The following PLD5 variants were observed in gnomAD, a reference collection of about 807,000 sequenced individuals.
The protein encoded by PLD5 is phospholipase D family member 5.
A neutral mutation model predicts 61.1 loss-of-function variants in PLD5; 36 were observed. The observed-to-expected ratio is 0.59, with a 90% CI of 0.45 to 0.78. The LOEUF (loss-of-function observed/expected upper bound fraction) is 0.78, where lower values mean the gene tolerates loss of function less well. Among genes scored for constraint, PLD5 ranks in the 30% least tolerant of loss-of-function variants. The pLI is 0.00. For missense variants in PLD5, 515 were observed against 644.4 expected (o/e 0.80, Z 2.17); for synonymous variants, 243 against 242.8 (o/e 1.00, Z -0.01).
At chr1:242,187,322 A>G (rs1411864410) in intron 5 of PLD5, among the ~76,000 whole-genome samples, 3 of 152,166 alleles carry the variant, frequency 2.0e-5, no homozygotes, top group Non-Finnish European at 4.4e-5. Context: ...AACCAACATG[A>G]GGATAAAGGC....
chr1:242,105,839 C>A (rs1661013351), intron 8 of PLD5, among the ~76,000 whole-genome samples: 1 of 152,072 alleles, frequency 6.6e-6, no homozygotes, highest in Non-Finnish European at 1.5e-5. Flanking sequence ...AGTCTATGAA[C>A]TAGAAAGCAT....
At chr1:242,415,474 A>T (rs957869179) in intron 1 of PLD5, among the ~76,000 whole-genome samples, 1 of 152,032 alleles carries the variant, frequency 6.6e-6, no homozygotes, top group African/African-American at 2.4e-5. Context: ...CAATTGCAAA[A>T]AGCTAACAAA....
chr1:242,198,036 G>T (rs1558332709), intron 5 of PLD5, among the ~76,000 whole-genome samples: 1 of 152,104 alleles, frequency 6.6e-6, no homozygotes, highest in Non-Finnish European at 1.5e-5. Context: ...TGCCAGTGGA[G>T]CCTGGTACAG....
chr1:242,134,399 T>TAA (rs1558257665), intron 5 of PLD5, among the ~76,000 whole-genome samples: 54 of 58,336 alleles, frequency 9.3e-4, no homozygotes, highest in East Asian at 6.6e-4. Context: ...TTTTTTTTTT[T>TAA]TAATAAATAA....
At chr1:242,213,904 C>T (rs1669982500) in intron 5 of PLD5, among the ~76,000 whole-genome samples, 1 of 151,752 alleles carries the variant, frequency 6.6e-6, no homozygotes, top group Admixed American at 6.6e-5. Flanking sequence ...ACACTCTCTC[C>T]CTATATCCAG....
rs1351153346 is a variant in PLD5 at position 242,084,959 on chromosome 1, C to T, written c.*4895G>A. 1.3e-5 allele frequency: 2 copies of T among 151,798 alleles called. No homozygotes were observed. The highest frequency in any genetic ancestry group is 2.9e-5 in the Non-Finnish European group (2 of 67,964). The allele number at this position is 151,798 out of a possible 1,614,324, so 9.4% of individuals were successfully genotyped here. On this transcript the variant is annotated 3_prime_UTR_variant, in exon 10 of 10. Transcript: ENST00000536534. ...GAGGAGAAAAAGAAATGCCTCATCT[C>T]ACAGTATGAAAAAGCCATCTAATAT...
chr1:242,216,500 A>G lies in PLD5; in HGVS notation c.735+3488T>C, dbSNP rs527489452. On this transcript the variant is annotated intron_variant, in intron 5 of 9. Transcript: ENST00000536534. The stretch of plus-strand genomic sequence containing the variant: ...GCTTGTTTACTCATGTGGTCCTAAG[A>G]CCAACCTTTGATCAACCTCAGGTGC... Among the ~76,000 whole-genome samples, 7 of 152,374 alleles carry G rather than the reference A, an allele frequency of 4.6e-5. No individual in the cohort carries two copies. The East Asian group carries it at 1.2e-3, about 25-fold the overall frequency.
chr1:242,330,033 A>C (rs1659076231), intron 2 of PLD5, among the ~76,000 whole-genome samples: 1 of 152,138 alleles, frequency 6.6e-6, no homozygotes, highest in Non-Finnish European at 1.5e-5. Context: ...AGTTTTTTTA[A>C]AATGTGGATT....
At chr1:242,464,574 G>A (rs1324891387) in intron 1 of PLD5, among the ~76,000 whole-genome samples, 2 of 152,192 alleles carry the variant, frequency 1.3e-5, no homozygotes, top group Non-Finnish European at 2.9e-5. Flanking sequence ...CTATAAAATA[G>A]TACAGCCACT....
At chr1:242,477,389 G>T (rs1423367470) in intron 1 of PLD5, among the ~76,000 whole-genome samples, 2 of 152,200 alleles carry the variant, frequency 1.3e-5, no homozygotes, top group African/African-American at 4.8e-5. Context: ...AGCAGGATAG[G>T]TGCAAGATCA....
At chr1:242,472,661 C>T (rs1057488024) in intron 1 of PLD5, among the ~76,000 whole-genome samples, 2 of 152,126 alleles carry the variant, frequency 1.3e-5, no homozygotes, top group Admixed American at 6.6e-5. Context: ...TTGGCTTGAA[C>T]GAAATTTATC....
At chr1:242,113,235 A>G (rs780373476) in intron 7 of PLD5, among the ~76,000 whole-genome samples, 75 of 151,776 alleles carry the variant, frequency 4.9e-4, no homozygotes, top group Non-Finnish European at 8.7e-4. Context: ...GACTACAGGC[A>G]CCCGCCACCA....
intron 1 of PLD5, among the ~76,000 whole-genome samples, chr1:242,443,896 C>A (rs1666385945): frequency 1.3e-5 from 2 of 152,150 alleles, no homozygotes; most frequent in South Asian, 4.1e-4. Flanking sequence ...ATTTTACCAT[C>A]AACATCAGAC....
chr1:242,523,495 C>A (rs894945130), intron 1 of PLD5, among the ~76,000 whole-genome samples: 18 of 151,928 alleles, frequency 1.2e-4, no homozygotes, highest in Non-Finnish European at 4.4e-5. Context: ...CCCGACGATC[C>A]GCTCGCTTTT....
At chr1:242,395,113 A>C (rs903708054) in intron 1 of PLD5, among the ~76,000 whole-genome samples, 10 of 147,560 alleles carry the variant, frequency 6.8e-5, no homozygotes, top group Non-Finnish European at 1.2e-4. Flanking sequence ...ATGTATATGA[A>C]TATATATGTA....
At chr1:242,221,386 T>G (rs2149011180) in intron 4 of PLD5, among the ~76,000 whole-genome samples, 1 of 152,332 alleles carries the variant, frequency 6.6e-6, no homozygotes, top group South Asian at 2.1e-4. Context: ...AGGGGCACAC[T>G]TCATTGTCAG....
At chr1:242,271,075 C>A (rs1052644756) in intron 3 of PLD5, among the ~76,000 whole-genome samples, 27 of 151,828 alleles carry the variant, frequency 1.8e-4, no homozygotes, top group African/African-American at 6.5e-4. Flanking sequence ...GATTTTAGAA[C>A]TAACTTAGAA....
At chr1:242,236,951 G>T (rs895294706) in intron 4 of PLD5, among the ~76,000 whole-genome samples, 1 of 152,194 alleles carries the variant, frequency 6.6e-6, no homozygotes, top group African/African-American at 2.4e-5. Flanking sequence ...GAACTTGACA[G>T]CTTTAATTCC....
chr1:242,376,411 G>T (rs1661960002), intron 1 of PLD5, among the ~76,000 whole-genome samples: 1 of 152,174 alleles, frequency 6.6e-6, no homozygotes, highest in Admixed American at 6.5e-5. Flanking sequence ...TCGAGGAAGT[G>T]CTGAGACACT....
Sources: gnomAD v4.1 joint callset for allele counts (sites outside exome capture counted in the v4.1 genomes callset) on GRCh38, gnomAD v4.1.1 for gene constraint, MANE v1.5 for transcripts, NCBI Gene and HGNC (gene_info 2026-07-23, HGNC 2026-07-21) for gene names.